SAXO1: variants seen among roughly 807,000 people sequenced by gnomAD.
SAXO1 encodes stabilizer of axonemal microtubules 1.
SAXO1 carries 21 observed loss-of-function variants against 17.5 expected under a neutral mutation model. The ratio of observed to expected loss-of-function variants is 1.20; its 90% CI spans 0.85 to 1.72. The LOEUF is 1.72. Ranked by LOEUF, SAXO1 falls within the 40% of genes most tolerant of loss-of-function variation. SAXO1 has a pLI of 0.00. For synonymous variants in SAXO1, 274 were observed against 216.5 expected, an observed-to-expected ratio of 1.27 and a Z score of -2.33; for missense variants, 843 against 596.0, an observed-to-expected ratio of 1.41 and a Z score of -4.32.
intron 1 of SAXO1, chr9:19,028,191 G>C (rs1313212743): frequency 1.6e-6 from 2 of 1,233,720 alleles, no homozygotes; most frequent in East Asian, 2.4e-5. Context: ...AGATGGTTTA[G>C]AGGCAAAATA....
At chr9:18,960,099 A>G (rs1302168054) in intron 1 of SAXO1, among the ~76,000 whole-genome samples, 4 of 152,212 alleles carry the variant, frequency 2.6e-5, no homozygotes, top group African/African-American at 7.2e-5. Context: ...AGAGCACCTC[A>G]TGGGCTCTTC....
At position 18,928,856 on chromosome 9, in the gene SAXO1, G is replaced by C; in HGVS notation, c.621C>G (p.Tyr207Ter). 6.2e-7 allele frequency: 1 copy of C among 1,614,160 alleles called. No homozygotes were observed. The highest frequency in any genetic ancestry group is 1.1e-5 in the South Asian group (1 of 91,080). Residue 207 changes from tyrosine (Y) to a stop codon, truncating the protein, a stop_gained, in exon 4 of 4, where the codon TAC becomes TAG. Transcript: ENST00000380534. LOFTEE classifies it low-confidence loss of function (END_TRUNC). ...CNIPLEDVTNYKMSYVAHPVE... is the reference protein window; with the variant it reads ...CNIPLEDVTN ...CGGGGTGGGCCACATAGCTCATCTT[G>C]TAGTTAGTCACATCCTCCAAGGGGA...
At position 18,934,416 on chromosome 9, in the gene SAXO1, C is replaced by T. The variant is rs541432135; in HGVS notation, c.422-5361G>A. 2.0e-3 allele frequency among the ~76,000 whole-genome samples: 311 copies of T among 152,196 alleles called. 1 individual carries two copies. The highest frequency in any genetic ancestry group is 7.0e-3 in the African/African-American group (289 of 41,512). Reference sequence around the variant, plus strand: ...CTCTATTGAACTATCCACATTTTTGCTGATTCTTATGCCAGCTCAAATCTG... The same window carrying T: ...CTCTATTGAACTATCCACATTTTTGTTGATTCTTATGCCAGCTCAAATCTG... On this transcript the variant is annotated intron_variant, in intron 3 of 3. Coordinates refer to ENST00000380534, the MANE Select transcript of SAXO1 (RefSeq NM_153707.4).
chr9:19,017,676 T>C (rs1364558554), intron 1 of SAXO1, among the ~76,000 whole-genome samples: 1 of 152,262 alleles, frequency 6.6e-6, no homozygotes, highest in African/African-American at 2.4e-5. Flanking sequence ...CCATTTTAGT[T>C]ACTTCAACCA....
chr9:19,042,858 G>C (rs1305983821), intron 1 of SAXO1, among the ~76,000 whole-genome samples: 2 of 150,066 alleles, frequency 1.3e-5, no homozygotes, highest in African/African-American at 4.9e-5. Flanking sequence ...GCAAAACTCT[G>C]CCTCATAAAG....
intron 1 of SAXO1, among the ~76,000 whole-genome samples, chr9:19,043,544 A>G (rs545729193): frequency 1.3e-5 from 2 of 152,142 alleles, no homozygotes; most frequent in African/African-American, 4.8e-5. Flanking sequence ...AGGCGGGCAG[A>G]TCACTTGAGC....
At chr9:19,008,919 A>C (rs1470696371) in intron 1 of SAXO1, among the ~76,000 whole-genome samples, 1 of 152,234 alleles carries the variant, frequency 6.6e-6, no homozygotes, top group African/African-American at 2.4e-5. Flanking sequence ...AAAGCTGATC[A>C]CAGCACCGGA....
At chr9:19,012,885 C>G (rs571696134) in intron 1 of SAXO1, among the ~76,000 whole-genome samples, 4 of 152,326 alleles carry the variant, frequency 2.6e-5, no homozygotes, top group Admixed American at 2.0e-4. Flanking sequence ...GGGGGCTGCT[C>G]TCTCAGGGTG....
intron 1 of SAXO1, among the ~76,000 whole-genome samples, chr9:18,956,822 A>T (rs1355864161): frequency 6.6e-6 from 1 of 152,252 alleles, no homozygotes; most frequent in Non-Finnish European, 1.5e-5. Context: ...TAAGTGTTTT[A>T]TATATTATTG....
chr9:19,012,186 T>A (rs7864665), intron 1 of SAXO1, among the ~76,000 whole-genome samples: 126,096 of 152,140 alleles, frequency 0.83, 52,402 homozygotes, highest in African/African-American at 0.86. Flanking sequence ...AGATGAGGCA[T>A]ATAGATGTTT....
chr9:18,981,006 T>C (rs1833364775), intron 1 of SAXO1, among the ~76,000 whole-genome samples: 1 of 152,124 alleles, frequency 6.6e-6, no homozygotes, highest in Non-Finnish European at 1.5e-5. Flanking sequence ...CACGGATTTG[T>C]GAAATTCAAA....
At chr9:19,037,634 C>G (rs915680501), upstream of SAXO1, among the ~76,000 whole-genome samples, 6 of 152,216 alleles carry the variant, frequency 3.9e-5, no homozygotes, top group Non-Finnish European at 7.3e-5. Context: ...CCATGTGGAA[C>G]TGTAAGTCCA....
intron 1 of SAXO1, among the ~76,000 whole-genome samples, chr9:19,031,652 A>G (rs1835779334): frequency 6.6e-6 from 1 of 152,240 alleles, no homozygotes; most frequent in South Asian, 2.1e-4. Context: ...CCCACTTAAC[A>G]AAGCTCAAAA....
chr9:18,981,998 G>T (rs1321897128), intron 1 of SAXO1, among the ~76,000 whole-genome samples: 1 of 152,170 alleles, frequency 6.6e-6, no homozygotes, highest in Admixed American at 6.5e-5. Context: ...CAGGCTCCTT[G>T]CTCTCTAGGC....
rs192994344 is a variant in SAXO1, at chr9:18,999,843, C to T, written c.38+33028G>A. ...GTCTGGGAAGTGAGGAGCGCCTCTG[C>T]CCAGCCGCCACAACATCTGGGAAGT... is the stretch of plus-strand genomic sequence containing the variant. On this transcript the variant is annotated intron_variant, in intron 1 of 3. Coordinates refer to ENST00000380534, the MANE Select transcript of SAXO1 (RefSeq NM_153707.4). Among the ~76,000 whole-genome samples the T allele has an allele frequency of 9.7e-3, 1,405 of 144,106 alleles. 10 individuals are homozygous for T. The highest frequency in any genetic ancestry group is 0.035 in the African/African-American group (1,331 of 37,612). The allele number at this position is 144,106 out of a possible 152,430, so 94.5% of individuals were successfully genotyped here.
At chr9:19,029,507 C>T (rs1835661572) in intron 1 of SAXO1, among the ~76,000 whole-genome samples, 1 of 152,152 alleles carries the variant, frequency 6.6e-6, no homozygotes, top group African/African-American at 2.4e-5. Flanking sequence ...TATAGACTTC[C>T]ACAGCTTAGA....
intron 1 of SAXO1, among the ~76,000 whole-genome samples, chr9:18,955,877 A>C (rs1391830923): frequency 6.6e-6 from 1 of 151,948 alleles, no homozygotes; most frequent in South Asian, 2.1e-4. Context: ...CAGAGTGTGC[A>C]TGAGATTATG....
intron 2 of SAXO1, among the ~76,000 whole-genome samples, chr9:18,947,293 C>A (rs771858645): frequency 1.3e-4 from 20 of 152,212 alleles, no homozygotes; most frequent in Non-Finnish European, 2.5e-4. Context: ...TCTCTTGTTT[C>A]TTTCCTGACC....
At chr9:19,034,555 A>G (rs1835885864), upstream of SAXO1, among the ~76,000 whole-genome samples, 1 of 152,206 alleles carries the variant, frequency 6.6e-6, no homozygotes, top group African/African-American at 2.4e-5. Context: ...AATATTCACT[A>G]TCTGACATTT....
Sources: gnomAD v4.1 joint callset for allele counts (sites outside exome capture counted in the v4.1 genomes callset) on GRCh38, gnomAD v4.1.1 for gene constraint, MANE v1.5 for transcripts, NCBI Gene and HGNC (gene_info 2026-07-23, HGNC 2026-07-21) for gene names.